Variants in TRMT11 observed in about 807,000 individuals in gnomAD.
The protein encoded by TRMT11 is tRNA methyltransferase 11, also known as tRNA (guanine(10)-N(2))-methyltransferase TRMT11.
Under a neutral mutation model 62.8 loss-of-function variants are expected in TRMT11, and 53 were observed. The ratio of observed to expected loss-of-function variants is 0.84; its 90% CI spans 0.68 to 1.06. The LOEUF (loss-of-function observed/expected upper bound fraction) is 1.06, where lower values mean the gene tolerates loss of function less well. TRMT11 is among the 50% of genes least tolerant of loss of function. The pLI is 0.00. For synonymous variants in TRMT11, 188 were observed against 190.3 expected (o/e 0.99, Z 0.10); for missense variants, 556 against 553.4 (o/e 1.00, Z -0.05).
rs1791437639 is a variant in TRMT11, at chr6:125,995,986, G to A, written c.158G>A (p.Ser53Asn). The change falls in exon 3 of 13, where the codon AGC becomes AAC. Residue 53 changes from serine (S) to asparagine (N), a missense_variant. Physicochemically the swap from Ser to Asn is conservative, Grantham distance 46. Coordinates refer to ENST00000334379, the MANE Select transcript of TRMT11 (RefSeq NM_001031712.3). ...TTTTAGTCACCATTTTGGATTCTTAGCATTCCCTCTGAAGATATTGCAAGA... is the reference window on the plus strand; with the variant it reads ...TTTTAGTCACCATTTTGGATTCTTAACATTCCCTCTGAAGATATTGCAAGA... ...TYGKSPFWILSIPSEDIARNL... is the reference protein window; with the variant it reads ...TYGKSPFWILNIPSEDIARNL... The A allele has an allele frequency of 1.9e-6, 3 of 1,611,088 alleles. No individual in the cohort carries two copies. Among genetic ancestry groups the A allele is most frequent in the Non-Finnish European group, 2.5e-6 (3 of 1,177,322 alleles).
At chr6:125,991,139 A>G (rs1790554490) in intron 1 of TRMT11, among the ~76,000 whole-genome samples, 4 of 151,738 alleles carry the variant, frequency 2.6e-5, no homozygotes, top group Admixed American at 2.6e-4. Flanking sequence ...TCAGCTACCC[A>G]AGAGGCTGAG....
At chr6:125,992,253 T>C (rs910548082) in intron 1 of TRMT11, among the ~76,000 whole-genome samples, 1 of 152,202 alleles carries the variant, frequency 6.6e-6, no homozygotes, top group African/African-American at 2.4e-5. Flanking sequence ...TCACTTTTTT[T>C]CCCCACCTAA....
chr6:126,163,255 G>A (rs1562337803), intron 21 of TRMT11, among the ~76,000 whole-genome samples: 1 of 152,152 alleles, frequency 6.6e-6, no homozygotes, highest in Non-Finnish European at 1.5e-5. Context: ...TTTATTGAGA[G>A]TTTTTAGCGT....
chr6:126,263,586 A>G, the TRMT11 span, among the ~76,000 whole-genome samples: 9 of 152,226 alleles, frequency 5.9e-5, no homozygotes, highest in African/African-American at 2.2e-4. Context: ...AAGGGCTAAT[A>G]TTGGACAAAA....
At chr6:126,011,003 T>C (rs765004858) in intron 8 of TRMT11, among the ~76,000 whole-genome samples, 1 of 152,162 alleles carries the variant, frequency 6.6e-6, no homozygotes, top group Non-Finnish European at 1.5e-5. Flanking sequence ...CTTGAAAATA[T>C]CGAATGAGTG....
intron 11 of TRMT11, among the ~76,000 whole-genome samples, chr6:126,016,985 A>G (rs1483700416): frequency 6.6e-6 from 1 of 152,196 alleles, no homozygotes; most frequent in Non-Finnish European, 1.5e-5. Context: ...TCTTTTGAAA[A>G]TTCTTTACTG....
intron 1 of TRMT11, among the ~76,000 whole-genome samples, chr6:126,193,199 T>G (rs1778623749): frequency 6.6e-6 from 1 of 152,132 alleles, no homozygotes; most frequent in Non-Finnish European, 1.5e-5. Context: ...GTTTTCCAAT[T>G]TATTGACATC....
intron 17 of TRMT11, among the ~76,000 whole-genome samples, chr6:126,074,915 A>C (rs1776973697): frequency 6.6e-6 from 1 of 152,188 alleles, no homozygotes; most frequent in Admixed American, 6.5e-5. Flanking sequence ...AATTTATTGA[A>C]GTATATAAAA....
intron 17 of TRMT11, among the ~76,000 whole-genome samples, chr6:126,095,538 T>G (rs1277731724): frequency 6.6e-6 from 1 of 152,208 alleles, no homozygotes; most frequent in Admixed American, 6.5e-5. Context: ...CAATTTGGCT[T>G]TCAATGTAGA....
At chr6:126,206,405 CG>C (rs372613284), downstream of TRMT11, among the ~76,000 whole-genome samples, 1 of 152,078 alleles carries the variant, frequency 6.6e-6, no homozygotes, top group African/African-American at 2.4e-5. Context: ...ACAAGTTCCC[CG>C]GTTATGTCAA....
upstream of TRMT11, among the ~76,000 whole-genome samples, chr6:126,176,870 C>T (rs1778392057): frequency 1.3e-5 from 2 of 151,992 alleles, no homozygotes; most frequent in Non-Finnish European, 2.9e-5. Context: ...TGTTCACTTG[C>T]CCAACATAAA....
At chr6:125,993,108 A>G (rs1790894819) in intron 1 of TRMT11, among the ~76,000 whole-genome samples, 1 of 152,194 alleles carries the variant, frequency 6.6e-6, no homozygotes, top group Non-Finnish European at 1.5e-5. Flanking sequence ...TGAGACCTAT[A>G]TGGAAGAGTG....
At chr6:126,134,865 G>A (rs1266977377) in intron 21 of TRMT11, among the ~76,000 whole-genome samples, 1 of 151,672 alleles carries the variant, frequency 6.6e-6, no homozygotes, top group Non-Finnish European at 1.5e-5. Flanking sequence ...ACAAATACAT[G>A]GAAATTAGGC....
At chr6:126,251,462 AT>A in the TRMT11 span, among the ~76,000 whole-genome samples, 2 of 152,178 alleles carry the variant, frequency 1.3e-5, no homozygotes, top group Non-Finnish European at 2.9e-5. Context: ...TATACTTATC[AT>A]TTTTGTGTGA....
chr6:126,015,824 A>T (rs1794911996), intron 11 of TRMT11, among the ~76,000 whole-genome samples: 1 of 152,114 alleles, frequency 6.6e-6, no homozygotes. Flanking sequence ...TTTGTAGAGG[A>T]CATGGCTTAT....
chr6:126,061,310 C>T (rs1196719426), intron 17 of TRMT11, among the ~76,000 whole-genome samples: 2 of 152,114 alleles, frequency 1.3e-5, no homozygotes, highest in African/African-American at 4.8e-5. Context: ...AACAAGATAC[C>T]ACACATGCTA....
chr6:126,186,268 G>A (rs1039145538), intron 1 of TRMT11, among the ~76,000 whole-genome samples: 1 of 152,056 alleles, frequency 6.6e-6, no homozygotes. Context: ...GATGTATCTT[G>A]GGCACAAAGT....
intron 9 of TRMT11, among the ~76,000 whole-genome samples, chr6:126,011,954 A>C (rs1794276847): frequency 6.6e-6 from 1 of 152,204 alleles, no homozygotes; most frequent in African/African-American, 2.4e-5. Context: ...AGGAATGTGC[A>C]TGAAAATTTA....
At chr6:126,048,209 A>C (rs190105325) in intron 16 of TRMT11, among the ~76,000 whole-genome samples, 229 of 152,322 alleles carry the variant, frequency 1.5e-3, no homozygotes, top group African/African-American at 5.2e-3. Context: ...AGATTGGCTA[A>C]GCTGAAAACC....
Sources: allele counts gnomAD v4.1 joint callset (sites outside exome capture counted in the v4.1 genomes callset), GRCh38; gene constraint gnomAD v4.1.1; transcripts MANE v1.5; gene names NCBI Gene and HGNC (gene_info 2026-07-23, HGNC 2026-07-21).